SH3D19: variants seen among roughly 807,000 people sequenced by gnomAD.
SH3D19 encodes the protein SH3 domain-containing protein 19.
In SH3D19, 58 loss-of-function variants were observed where a neutral mutation model predicts 112.1. The ratio of observed to expected loss-of-function variants is 0.52; its 90% CI spans 0.42 to 0.64. The LOEUF (loss-of-function observed/expected upper bound fraction) is 0.64. Among genes scored for constraint, SH3D19 ranks in the 30% least tolerant of loss-of-function variants. SH3D19 has a pLI of 0.00. For synonymous variants in SH3D19, 391 were observed against 448.5 expected (o/e 0.87, Z 1.62); for missense variants, 1,090 against 1,263.4 (o/e 0.86, Z 2.08).
intron 7 of SH3D19, 26 bp downstream of exon 7, chr4:151,174,644 C>G (rs1010199773): frequency 1.3e-6 from 2 of 1,492,610 alleles, no homozygotes; most frequent in Non-Finnish European, 1.8e-6. Context: ...GTTTAGATTC[C>G]CCTCCACTGC....
At chr4:151,236,631 G>A (rs1246034675) in intron 1 of SH3D19, among the ~76,000 whole-genome samples, 3 of 152,064 alleles carry the variant, frequency 2.0e-5, no homozygotes, top group Non-Finnish European at 4.4e-5. Context: ...GTGGGGACTT[G>A]GAGAACTTTT....
intron 7 of SH3D19, among the ~76,000 whole-genome samples, 184 bp downstream of exon 7, chr4:151,174,485 CA>C (rs1188069501): frequency 6.6e-6 from 1 of 152,220 alleles, no homozygotes; most frequent in African/African-American, 2.4e-5. Context: ...CTCCATTCCC[CA>C]CATAGCTCCC....
chr4:151,167,937 A>T (rs969343029), intron 7 of SH3D19, among the ~76,000 whole-genome samples: 1 of 152,240 alleles, frequency 6.6e-6, no homozygotes, highest in Non-Finnish European at 1.5e-5. Context: ...GCAACCTTCC[A>T]AGTGTGAAGT....
intron 1 of SH3D19, among the ~76,000 whole-genome samples, chr4:151,237,921 T>C (rs984460130): frequency 1.1e-4 from 17 of 152,332 alleles, no homozygotes; most frequent in African/African-American, 3.8e-4. Flanking sequence ...CGGTTCAGCC[T>C]ATTTTTCCTT....
intron 11 of SH3D19, among the ~76,000 whole-genome samples, chr4:151,147,046 T>C (rs1462467263): frequency 2.0e-5 from 3 of 152,204 alleles, no homozygotes; most frequent in Non-Finnish European, 4.4e-5. Context: ...TTTTAAAATT[T>C]ACTCAAGGGG....
At chr4:151,135,480 T>C (rs1381594960) in intron 14 of SH3D19, among the ~76,000 whole-genome samples, 2 of 134,776 alleles carry the variant, frequency 1.5e-5, no homozygotes, top group African/African-American at 2.8e-5. Flanking sequence ...CAGGCTGGAG[T>C]GCAGCGGCAC....
chr4:151,212,506 A>G (rs947346952), intron 2 of SH3D19, among the ~76,000 whole-genome samples: 6 of 152,242 alleles, frequency 3.9e-5, no homozygotes, highest in African/African-American at 1.2e-4. Flanking sequence ...TGCCAGTGCC[A>G]GTGGAACAAC....
intron 1 of SH3D19, among the ~76,000 whole-genome samples, chr4:151,312,153 G>A (rs1269949389): frequency 6.6e-6 from 1 of 151,894 alleles, no homozygotes; most frequent in Non-Finnish European, 1.5e-5. Flanking sequence ...TGTACATCTT[G>A]AATATATTCA....
intron 1 of SH3D19, among the ~76,000 whole-genome samples, chr4:151,242,348 C>T (rs1250975184): frequency 6.6e-6 from 1 of 152,158 alleles, no homozygotes; most frequent in Admixed American, 6.5e-5. Context: ...TTATTGACTT[C>T]CATTCTGTGG....
intron 1 of SH3D19, among the ~76,000 whole-genome samples, chr4:151,321,617 A>G (rs1730542437): frequency 6.6e-6 from 1 of 152,188 alleles, no homozygotes. Context: ...ATCTACTAAA[A>G]AGGACAAATT....
chr4:151,226,499 G>A, intron 1 of SH3D19: 2 of 986,972 alleles, frequency 2.0e-6, no homozygotes, highest in South Asian at 4.7e-5. Context: ...ATGGGGAGGG[G>A]GAAAAATGAG....
intron 2 of SH3D19, among the ~76,000 whole-genome samples, chr4:151,205,111 G>A (rs2149893941): frequency 6.6e-6 from 1 of 152,200 alleles, no homozygotes; most frequent in African/African-American, 2.4e-5. Context: ...ATGAGCCAAG[G>A]GTGCCCGGCC....
At chr4:151,248,566 G>C (rs368656136) in intron 1 of SH3D19, among the ~76,000 whole-genome samples, 2 of 152,126 alleles carry the variant, frequency 1.3e-5, no homozygotes, top group African/African-American at 4.8e-5. Context: ...GTTCAAACAT[G>C]AATAATCCAG....
intron 9 of SH3D19, among the ~76,000 whole-genome samples, chr4:151,156,229 G>A (rs1459529310): frequency 6.6e-6 from 1 of 152,042 alleles, no homozygotes; most frequent in Non-Finnish European, 1.5e-5. Context: ...AATTAATATT[G>A]TTAAAATGAG....
At chr4:151,240,768 G>A (rs899212773) in intron 1 of SH3D19, among the ~76,000 whole-genome samples, 3 of 151,982 alleles carry the variant, frequency 2.0e-5, no homozygotes, top group African/African-American at 4.8e-5. Flanking sequence ...ATTATTATAC[G>A]ACTCAGAAAT....
intron 1 of SH3D19, among the ~76,000 whole-genome samples, chr4:151,302,447 G>GA (rs201637567): frequency 6.6e-6 from 1 of 152,076 alleles, no homozygotes; most frequent in Non-Finnish European, 1.5e-5. Context: ...GAAACCTGAT[G>GA]AAAAAAATAG....
chr4:151,278,723 C>T (rs529409895), intron 1 of SH3D19, among the ~76,000 whole-genome samples: 49 of 152,120 alleles, frequency 3.2e-4, no homozygotes, highest in African/African-American at 1.0e-3. Flanking sequence ...CTCCACCTCC[C>T]GGGCTCAAGC....
At chr4:151,191,706 C>T (rs1309332872) in intron 2 of SH3D19, among the ~76,000 whole-genome samples, 7 of 150,874 alleles carry the variant, frequency 4.6e-5, no homozygotes, top group Admixed American at 4.0e-4. Context: ...AGTGCAGTGG[C>T]GCAATCTCGG....
In SH3D19 at chr4:151,325,552, G is replaced by T. The variant is rs1239841437; in HGVS notation, c.-200C>A. 3 of 289,834 alleles carry T rather than the reference G, an allele frequency of 1.0e-5. No homozygotes were observed. The highest frequency in any genetic ancestry group is 1.3e-5 in the Non-Finnish European group (2 of 157,638). The allele number at this position is 289,834 out of a possible 1,614,324, so 18.0% of individuals were successfully genotyped here. On this transcript the variant is annotated 5_prime_UTR_variant, in exon 1 of 20. Coordinates refer to ENST00000604030, the MANE Select transcript of SH3D19 (RefSeq NM_001378122.1). ...AGCCGGCCGGGCAGCGGCAGGGCGC[G>T]GGCCGAGCCGATTCCCCGCCTCCTT...
Sources: gnomAD v4.1 joint callset for allele counts (sites outside exome capture counted in the v4.1 genomes callset) on GRCh38, gnomAD v4.1.1 for gene constraint, MANE v1.5 for transcripts, NCBI Gene and HGNC (gene_info 2026-07-23, HGNC 2026-07-21) for gene names.